Variants in DPP6 observed in about 807,000 individuals in gnomAD.
DPP6 encodes the protein A-type potassium channel modulatory protein DPP6.
DPP6 carries 69 observed loss-of-function variants against 122.6 expected under a neutral mutation model. The ratio of observed to expected loss-of-function variants is 0.56; its 90% CI spans 0.46 to 0.69. The LOEUF (loss-of-function observed/expected upper bound fraction) is 0.69, where lower values mean the gene tolerates loss of function less well. DPP6 is among the 30% of genes least tolerant of loss of function. The probability of loss-of-function intolerance (pLI) is 0.00; values close to 1 mark genes in which losing one functional copy is unlikely to be tolerated. For missense variants in DPP6, 928 were observed against 1,116.9 expected, an observed-to-expected ratio of 0.83 and a Z score of 2.41; for synonymous variants, 418 against 433.1, an observed-to-expected ratio of 0.97 and a Z score of 0.43.
intron 1 of DPP6, among the ~76,000 whole-genome samples, chr7:154,350,785 A>G (rs1810785780): frequency 6.6e-6 from 1 of 152,256 alleles, no homozygotes; most frequent in African/African-American, 2.4e-5. Context: ...GCAGCTGAAC[A>G]AGGAGACAGG....
At chr7:154,018,324 A>G (rs1461526301) in intron 1 of DPP6, among the ~76,000 whole-genome samples, 1 of 152,028 alleles carries the variant, frequency 6.6e-6, no homozygotes, top group African/African-American at 2.4e-5. Context: ...TAAGGGGGTG[A>G]AAAATGGCTG....
the DPP6 span, among the ~76,000 whole-genome samples, chr7:153,769,181 A>C: frequency 9.8e-5 from 15 of 152,322 alleles, no homozygotes; most frequent in Non-Finnish European, 1.5e-4. Context: ...GATTTTGTAC[A>C]TGAGATTGTG....
chr7:154,651,320 A>G (rs1836861088), intron 6 of DPP6, among the ~76,000 whole-genome samples: 1 of 152,178 alleles, frequency 6.6e-6, no homozygotes, highest in African/African-American at 2.4e-5. Context: ...CTCCTATTAG[A>G]CTACATAAGA....
At chr7:154,213,063 G>GCT (rs760254998) in intron 1 of DPP6, among the ~76,000 whole-genome samples, 3 of 152,204 alleles carry the variant, frequency 2.0e-5, no homozygotes, top group Non-Finnish European at 2.9e-5. Context: ...ATCCTCTGCT[G>GCT]CTCTCGAAGG....
intron 3 of DPP6, among the ~76,000 whole-genome samples, chr7:154,505,730 A>G (rs1825614701): frequency 6.6e-6 from 1 of 152,220 alleles, no homozygotes; most frequent in African/African-American, 2.4e-5. Flanking sequence ...ATATCTAAGG[A>G]ACAGGCTATC....
intron 7 of DPP6, among the ~76,000 whole-genome samples, chr7:154,703,797 C>T (rs906110099): frequency 1.3e-5 from 2 of 151,872 alleles, no homozygotes; most frequent in Admixed American, 6.6e-5. Context: ...ATTAGCAGGG[C>T]GTGGTGGTGG....
At chr7:153,793,551 G>C in the DPP6 span, among the ~76,000 whole-genome samples, 1 of 151,388 alleles carries the variant, frequency 6.6e-6, no homozygotes, top group Non-Finnish European at 1.5e-5. Flanking sequence ...CAGAAAATTT[G>C]CAGCCCGACA....
intron 1 of DPP6, among the ~76,000 whole-genome samples, chr7:154,277,878 AT>A (rs952700401): frequency 2.0e-5 from 3 of 152,170 alleles, no homozygotes; most frequent in Admixed American, 1.3e-4. Context: ...TCCTGTGCAA[AT>A]GGGTAGTGAC....
intron 2 of DPP6, among the ~76,000 whole-genome samples, chr7:154,470,293 A>G (rs1045582177): frequency 3.9e-5 from 6 of 152,140 alleles, no homozygotes; most frequent in African/African-American, 1.4e-4. Context: ...CCTCCTCATT[A>G]TGGTGGGGAT....
intron 8 of DPP6, among the ~76,000 whole-genome samples, chr7:154,761,265 A>G (rs1184159690): frequency 6.6e-6 from 1 of 152,224 alleles, no homozygotes; most frequent in Admixed American, 6.5e-5. Context: ...GAAGGGACTG[A>G]ACAGTCTAGG....
intron 1 of DPP6, among the ~76,000 whole-genome samples, chr7:154,106,207 T>C (rs1184303211): frequency 2.1e-4 from 29 of 138,396 alleles, no homozygotes; most frequent in African/African-American, 7.8e-4. Flanking sequence ...TTTGCTCCCA[T>C]AGCATTACCT....
chr7:153,809,129 C>T, the DPP6 span, among the ~76,000 whole-genome samples: 7 of 152,076 alleles, frequency 4.6e-5, no homozygotes, highest in East Asian at 3.9e-4. Flanking sequence ...TTTTGATTTG[C>T]GTTTCCCTGA....
At chr7:154,465,811 G>A (rs551227221) in intron 2 of DPP6, among the ~76,000 whole-genome samples, 26 of 152,300 alleles carry the variant, frequency 1.7e-4, no homozygotes, top group African/African-American at 6.0e-4. Context: ...ATTCCTCAAG[G>A]ATCTAGAACT....
chr7:153,816,486 A>G, the DPP6 span, among the ~76,000 whole-genome samples: 1 of 152,216 alleles, frequency 6.6e-6, no homozygotes, highest in Non-Finnish European at 1.5e-5. Context: ...AAATATTGAC[A>G]ACAGCATGCA....
rs750846502 is a variant in DPP6, at chr7:154,893,013, C to A, written c.*533C>A. The A allele has an allele frequency of 8.0e-6, 4 of 499,018 alleles. No homozygotes were observed. Among genetic ancestry groups the A allele is most frequent in the Non-Finnish European group, 1.6e-5 (4 of 247,482 alleles). The allele number at this position is 499,018 out of a possible 1,614,324, so 30.9% of individuals were successfully genotyped here. A position where few individuals can be genotyped will look rare whatever the true frequency, so the allele number is the denominator to read the frequency against. ...GGACGTTCAACATGGTGAGGGGCTA[C>A]AAGAAAACGCTTTTCTGTACAGAGT... is the stretch of plus-strand genomic sequence containing the variant. On this transcript the variant is annotated 3_prime_UTR_variant, in exon 26 of 26. Transcript: ENST00000377770.
chr7:154,620,351 G>A (rs1480625700), intron 5 of DPP6, among the ~76,000 whole-genome samples: 3 of 152,182 alleles, frequency 2.0e-5, no homozygotes, highest in Non-Finnish European at 2.9e-5. Flanking sequence ...TACGGCTTCC[G>A]AATGCCACAC....
chr7:154,705,436 C>T (rs542649720), intron 7 of DPP6, among the ~76,000 whole-genome samples: 98 of 152,294 alleles, frequency 6.4e-4, no homozygotes, highest in African/African-American at 2.3e-3. Flanking sequence ...CAGTGCAAAA[C>T]GTCTTCCATA....
At chr7:154,529,128 A>C (rs1231226188) in intron 3 of DPP6, among the ~76,000 whole-genome samples, 1 of 152,208 alleles carries the variant, frequency 6.6e-6, no homozygotes, top group Admixed American at 6.5e-5. Context: ...GTCTATGGTG[A>C]AGGTGATGAC....
chr7:154,052,191 G>A (rs1160042162), upstream of DPP6, among the ~76,000 whole-genome samples: 2 of 151,430 alleles, frequency 1.3e-5, 1 homozygote, highest in Non-Finnish European at 3.0e-5. The surrounding 1 kb of genome is among the most constrained non-coding windows in gnomAD (Gnocchi z 4.8). Context: ...CCGCACCCAC[G>A]ACCCGCGTGG....
Sources: allele counts gnomAD v4.1 joint callset (sites outside exome capture counted in the v4.1 genomes callset), GRCh38; gene constraint gnomAD v4.1.1; non-coding constraint Gnocchi (gnomAD v3.1); transcripts MANE v1.5; gene names NCBI Gene and HGNC (gene_info 2026-07-23, HGNC 2026-07-21).